The following LRCH1 variants were observed in gnomAD, a reference collection of about 807,000 sequenced individuals.
LRCH1 encodes leucine rich repeats and calponin homology domain containing 1, also known as leucine-rich repeat and calponin homology domain-containing protein 1.
A neutral mutation model predicts 94.9 loss-of-function variants in LRCH1; 23 were observed. The observed-to-expected ratio is 0.24, with a 90% CI of 0.17 to 0.34. The LOEUF (loss-of-function observed/expected upper bound fraction) is 0.34, where lower values mean the gene tolerates loss of function less well. Among genes scored for constraint, LRCH1 ranks in the 10% least tolerant of loss-of-function variants. The pLI, the probability that LRCH1 is intolerant of heterozygous loss-of-function variation, is 1.00. For synonymous variants in LRCH1, 364 were observed against 354.9 expected, an observed-to-expected ratio of 1.03 and a Z score of -0.29; for missense variants, 790 against 945.9, an observed-to-expected ratio of 0.84 and a Z score of 2.16.
intron 2 of LRCH1, among the ~76,000 whole-genome samples, chr13:46,659,927 A>C (rs543036519): frequency 1.7e-4 from 26 of 152,100 alleles, no homozygotes; most frequent in African/African-American, 6.0e-4. Flanking sequence ...AAAAATCTGC[A>C]AGCAGTTGTT....
chr13:46,699,377 G>A lies in LRCH1; in HGVS notation c.1287G>A (p.Glu429=). The part of the protein sequence containing the change: ...EDCEELLRIE[E]DVHWQTEGII... ...GTGAAGAGCTGTTACGGATAGAAGA[G>A]GATGTGCACTGGCAAACTGAGGGCA... The change falls in exon 10 of 20, where the codon GAG becomes GAA. Residue 429 remains glutamate, a synonymous_variant. Coordinates refer to ENST00000389797, the MANE Select transcript of LRCH1 (RefSeq NM_001164211.2). 2 of 1,614,132 alleles carry A rather than the reference G, an allele frequency of 1.2e-6. No individual in the cohort carries two copies. Among genetic ancestry groups the A allele is most frequent in the Non-Finnish European group, 1.7e-6 (2 of 1,179,968 alleles).
chr13:46,557,719 T>A (rs1219265826), intron 1 of LRCH1, among the ~76,000 whole-genome samples: 1 of 151,942 alleles, frequency 6.6e-6, no homozygotes, highest in Non-Finnish European at 1.5e-5. Context: ...GGCATGTGCC[T>A]GTAATCTCAG....
intron 2 of LRCH1, among the ~76,000 whole-genome samples, chr13:46,659,691 G>C (rs544939487): frequency 1.3e-5 from 2 of 152,280 alleles, no homozygotes; most frequent in African/African-American, 2.4e-5. Context: ...GGTGGCTGTG[G>C]GGGGTGGGCT....
At chr13:46,608,055 G>A (rs563280525) in intron 1 of LRCH1, among the ~76,000 whole-genome samples, 1 of 152,298 alleles carries the variant, frequency 6.6e-6, no homozygotes, top group Non-Finnish European at 1.5e-5. Flanking sequence ...TGGGACCTGT[G>A]GGGGATGCAC....
intron 13 of LRCH1, among the ~76,000 whole-genome samples, chr13:46,708,217 A>G (rs1265926419): frequency 1.3e-5 from 2 of 151,856 alleles, no homozygotes; most frequent in Non-Finnish European, 1.5e-5. Flanking sequence ...GGATGGGTAT[A>G]TACTAAATAT....
chr13:46,669,276 A>G, intron 3 of LRCH1, 120 bp downstream of exon 3: 1 of 1,161,584 alleles, frequency 8.6e-7, no homozygotes, highest in South Asian at 1.6e-5. Flanking sequence ...GTTTGAGGGC[A>G]GGTATATGAT....
chr13:46,648,960 G>A (rs1005664421), intron 1 of LRCH1, among the ~76,000 whole-genome samples: 1 of 152,106 alleles, frequency 6.6e-6, no homozygotes, highest in African/African-American at 2.4e-5. Context: ...GATAGTATAA[G>A]ATCCTCGTGT....
intron 1 of LRCH1, among the ~76,000 whole-genome samples, chr13:46,626,696 G>A (rs1029096830): frequency 2.6e-5 from 4 of 152,184 alleles, no homozygotes; most frequent in Admixed American, 6.5e-5. Flanking sequence ...TCCTCACATG[G>A]ACGTGCATGA....
At chr13:46,603,176 G>C (rs886216626) in intron 1 of LRCH1, among the ~76,000 whole-genome samples, 9 of 151,886 alleles carry the variant, frequency 5.9e-5, no homozygotes, top group African/African-American at 2.2e-4. Context: ...GCAGAGACAC[G>C]GAGAGCCTCT....
chr13:46,741,639 T>C lies in LRCH1; in HGVS notation c.2086-3T>C, dbSNP rs773090369. ...TCTGTTCTAATGGCTGCCCTCGGAA[T>C]AGGCTGACCTCTGCTCTCCGTGTGA... is the stretch of plus-strand genomic sequence containing the variant. On this transcript the variant is annotated splice_region_variant and splice_polypyrimidine_tract_variant and intron_variant, in intron 19 of 19. Transcript: ENST00000389797. 1.2e-6 allele frequency: 2 copies of C among 1,614,136 alleles called. No homozygotes were observed. Among genetic ancestry groups the C allele is most frequent in the Non-Finnish European group, 1.7e-6 (2 of 1,179,970 alleles).
chr13:46,740,021 T>G (rs559669778), intron 19 of LRCH1, among the ~76,000 whole-genome samples: 2 of 152,362 alleles, frequency 1.3e-5, no homozygotes, highest in South Asian at 2.1e-4. Flanking sequence ...GCTTTTAACA[T>G]GAAAATACTA....
intron 1 of LRCH1, among the ~76,000 whole-genome samples, chr13:46,573,866 A>ATATATATATATATTTTTTTTTTT: frequency 1.6e-5 from 1 of 63,420 alleles, no homozygotes; most frequent in Non-Finnish European, 3.2e-5. Context: ...ATATATATAT[A>ATATATATATATATTTTTTTTTTT]TTTTTTTTTT....
intron 1 of LRCH1, among the ~76,000 whole-genome samples, chr13:46,591,323 T>C (rs1535791): frequency 0.81 from 123,162 of 152,178 alleles, 50,112 homozygotes; most frequent in East Asian, 0.91. Context: ...AATGAATTAG[T>C]TCCTTTCTTC....
At chr13:46,563,673 C>T (rs2050152609) in intron 1 of LRCH1, among the ~76,000 whole-genome samples, 1 of 152,316 alleles carries the variant, frequency 6.6e-6, no homozygotes, top group Middle Eastern at 3.4e-3. Flanking sequence ...ATGCTTGCTA[C>T]ATGGTCTGTA....
At chr13:46,571,690 T>C (rs2050242164) in intron 1 of LRCH1, among the ~76,000 whole-genome samples, 1 of 152,228 alleles carries the variant, frequency 6.6e-6, no homozygotes, top group Admixed American at 6.5e-5. Flanking sequence ...GAAATGGTCT[T>C]GGAGTCCAAC....
intron 9 of LRCH1, among the ~76,000 whole-genome samples, chr13:46,695,271 T>G (rs927871901): frequency 2.6e-5 from 4 of 152,208 alleles, no homozygotes; most frequent in Admixed American, 1.3e-4. Flanking sequence ...TCGTACAAAT[T>G]AGCAAACTCA....
intron 1 of LRCH1, among the ~76,000 whole-genome samples, chr13:46,564,762 A>G (rs907256586): frequency 2.0e-5 from 3 of 152,248 alleles, no homozygotes; most frequent in African/African-American, 7.2e-5. Flanking sequence ...TTTTCTGAAC[A>G]TCAGGTTTGT....
In LRCH1 at chr13:46,742,146, T is replaced by G; in HGVS notation, c.*298T>G. On this transcript the variant is annotated 3_prime_UTR_variant, in exon 20 of 20. Transcript: ENST00000389797. ...CAGCAGTGCCACGCAGTTCCTCCTCTCCCTCCCGGTGAGCTGCTGCCCTGG... is the reference window on the plus strand; with the variant it reads ...CAGCAGTGCCACGCAGTTCCTCCTCGCCCTCCCGGTGAGCTGCTGCCCTGG... 2.5e-6 allele frequency: 3 copies of G among 1,206,620 alleles called. No homozygotes were observed. Among genetic ancestry groups the G allele is most frequent in the Non-Finnish European group, 3.1e-6 (3 of 964,408 alleles). 74.7% of individuals were successfully genotyped at this position (1,206,620 alleles called of 1,614,324 possible). A position where few individuals can be genotyped will look rare whatever the true frequency, so the allele number is the denominator to read the frequency against.
In LRCH1 at chr13:46,694,944, C is replaced by A; in HGVS notation, c.1172C>A (p.Thr391Asn). 6.2e-7 allele frequency: 1 copy of A among 1,614,142 alleles called. No individual in the cohort carries two copies. Among genetic ancestry groups the A allele is most frequent in the Non-Finnish European group, 8.5e-7 (1 of 1,179,960 alleles). Residue 391 changes from threonine (T) to asparagine (N), a missense_variant, in exon 9 of 20, where the codon ACC becomes AAC. By Grantham distance (65) the Thr-to-Asn change is moderately conservative. Transcript: ENST00000389797. ...GAGCCTTCCCTTTTGGGTGACAGCA[C>A]CAACTCAGGAGAAGAAAGAGACCAG... The part of the protein sequence containing the change: ...QPEPSLLGDS[T>N]NSGEERDQFT...
Sources: allele counts gnomAD v4.1 joint callset (sites outside exome capture counted in the v4.1 genomes callset), GRCh38; gene constraint gnomAD v4.1.1; transcripts MANE v1.5; gene names NCBI Gene and HGNC (gene_info 2026-07-23, HGNC 2026-07-21).